Variants in ECM2 observed in about 807,000 individuals in gnomAD.
ECM2 encodes the protein extracellular matrix protein 2.
In ECM2, 57 loss-of-function variants were observed where a neutral mutation model predicts 67.5. The ratio of observed to expected loss-of-function variants is 0.84; its 90% CI spans 0.68 to 1.05. The LOEUF (loss-of-function observed/expected upper bound fraction) is 1.05. Among genes scored for constraint, ECM2 ranks in the 50% least tolerant of loss-of-function variants. The probability of loss-of-function intolerance (pLI) is 0.00; values close to 1 mark genes in which losing one functional copy is unlikely to be tolerated. For synonymous variants in ECM2, 258 were observed against 294.5 expected (o/e 0.88, Z 1.27); for missense variants, 741 against 822.8 (o/e 0.90, Z 1.22).
downstream of ECM2, chr9:92,494,204 G>C (rs1470205169): frequency 1.2e-5 from 18 of 1,556,804 alleles, no homozygotes; most frequent in Non-Finnish European, 1.6e-5. Flanking sequence ...ATCTGTCTCT[G>C]TGTCATCCCA....
chr9:92,550,233 T>G, the ECM2 span, among the ~76,000 whole-genome samples: 1 of 152,054 alleles, frequency 6.6e-6, no homozygotes, highest in African/African-American at 2.4e-5. Context: ...CCGTCTCTAC[T>G]AAAATACACA....
intron 5 of ECM2, among the ~76,000 whole-genome samples, chr9:92,511,720 T>C (rs1186558878): frequency 6.6e-6 from 1 of 152,168 alleles, no homozygotes; most frequent in Non-Finnish European, 1.5e-5. Flanking sequence ...AAAGACCAGA[T>C]TTTAGCATGT....
intron 1 of ECM2, 90 bp from the exon 2 acceptor site, chr9:92,522,983 C>T: frequency 8.0e-7 from 1 of 1,251,374 alleles, no homozygotes; most frequent in Non-Finnish European, 1.1e-6. Context: ...CCTCAGTAGG[C>T]AAGTCTTTGA....
At chr9:92,556,522 G>T in the ECM2 span, among the ~76,000 whole-genome samples, 2 of 152,154 alleles carry the variant, frequency 1.3e-5, no homozygotes, top group African/African-American at 4.8e-5. Context: ...ACCAGTGTTA[G>T]GTGCAAATAT....
chr9:92,496,105 G>A lies in ECM2; in HGVS notation c.*210C>T. ...GGCCTCTTTCTAGAGGTAGGAAACT[G>A]AGAGATTTTACCTTTACTATTAATA... On this transcript the variant is annotated 3_prime_UTR_variant, in exon 10 of 10. Coordinates refer to ENST00000344604, the MANE Select transcript of ECM2 (RefSeq NM_001393.4). 1 of 1,186,834 alleles carries A rather than the reference G, an allele frequency of 8.4e-7. No individual in the cohort carries two copies. The highest frequency in any genetic ancestry group is 1.0e-6 in the Non-Finnish European group (1 of 960,246). 73.5% of individuals were successfully genotyped at this position (1,186,834 alleles called of 1,614,324 possible). A position where few individuals can be genotyped will look rare whatever the true frequency, so the allele number is the denominator to read the frequency against.
the ECM2 span, among the ~76,000 whole-genome samples, chr9:92,542,446 A>G: frequency 6.6e-6 from 1 of 151,134 alleles, no homozygotes; most frequent in African/African-American, 2.4e-5. Context: ...TTGGAATTAT[A>G]TTCAAAAAAT....
chr9:92,550,164 G>A, the ECM2 span, among the ~76,000 whole-genome samples: 2 of 152,186 alleles, frequency 1.3e-5, no homozygotes, highest in Non-Finnish European at 2.9e-5. Context: ...TTGGGAGGCT[G>A]AGGCAGGAGG....
chr9:92,512,229 G>A, intron 4 of ECM2, 103 bp from the exon 5 acceptor site: 1 of 649,352 alleles, frequency 1.5e-6, no homozygotes, highest in Non-Finnish European at 2.6e-6. Context: ...GCTTTGTCTG[G>A]AGGAGAAAGC....
chr9:92,541,246 G>A (rs777053435), upstream of ECM2, among the ~76,000 whole-genome samples: 14 of 152,122 alleles, frequency 9.2e-5, no homozygotes, highest in East Asian at 3.9e-4. Context: ...GTGACAGAGC[G>A]AGACTCCATC....
In ECM2 at chr9:92,496,561, A is replaced by T. The variant is rs181855456; in HGVS notation, c.1932-78T>A. ...TTAGGAGTTAAGTTTAACATTTGTT[A>T]AAAAAATTTTGTTCTTAAAATAAAG... On this transcript the variant is annotated intron_variant, in intron 9 of 9. Transcript: ENST00000344604. 6.4e-3 allele frequency: 9,861 copies of T among 1,535,160 alleles called. 55 individuals are homozygous for T. The highest frequency in any genetic ancestry group is 7.8e-3 in the Non-Finnish European group (9,016 of 1,152,662).
At chr9:92,530,902 A>G (rs892671693) in intron 1 of ECM2, among the ~76,000 whole-genome samples, 3 of 151,962 alleles carry the variant, frequency 2.0e-5, no homozygotes, top group Non-Finnish European at 2.9e-5. Flanking sequence ...TGAGTACCCA[A>G]TGTTTAGCTC....
At chr9:92,543,344 G>A in the ECM2 span, among the ~76,000 whole-genome samples, 4 of 151,848 alleles carry the variant, frequency 2.6e-5, no homozygotes, top group East Asian at 1.9e-4. Context: ...ATGGTGGTAC[G>A]TACCTGTAGT....
chr9:92,520,065 T>TTTTTTTTTTTTTTTTTTTGAGACG (rs1427229245), intron 2 of ECM2, among the ~76,000 whole-genome samples: 1 of 146,736 alleles, frequency 6.8e-6, no homozygotes, highest in Non-Finnish European at 1.5e-5. Context: ...GAAGATTTCT[T>TTTTTTTTTTTTTTTTTTTGAGACG]GAGGCCAGGA....
At chr9:92,500,693 A>C in intron 9 of ECM2, 34 bp downstream of exon 9, 1 of 1,579,916 alleles carries the variant, frequency 6.3e-7, no homozygotes, top group Non-Finnish European at 8.6e-7. Context: ...GCCAACCAAA[A>C]TTTAAACAGA....
chr9:92,494,122 T>C, downstream of ECM2: 1 of 1,597,972 alleles, frequency 6.3e-7, no homozygotes, highest in Non-Finnish European at 8.5e-7. Flanking sequence ...TGTTTGTCAC[T>C]GTCTCTAGAA....
rs945276692 is a variant in ECM2, at chr9:92,517,712, T to G, written c.456A>C (p.Glu152Asp). ...RCPQTVIPEG[E>D]CCPVCSATVS... ...CAGTAGCGGAGCAGACCGGGCAGCATTCCCCTTCAGGTATAACTGTTTGGG... is the reference window on the plus strand; with the variant it reads ...CAGTAGCGGAGCAGACCGGGCAGCAGTCCCCTTCAGGTATAACTGTTTGGG... Residue 152 changes from glutamate (E) to aspartate (D), a missense_variant, in exon 3 of 10, where the codon GAA becomes GAC. By Grantham distance (45) the Glu-to-Asp change is conservative. Transcript: ENST00000344604. 6.2e-7 allele frequency: 1 copy of G among 1,614,074 alleles called. No individual in the cohort carries two copies. The highest frequency in any genetic ancestry group is 1.3e-5 in the African/African-American group (1 of 74,938).
rs751900285 is a variant in ECM2 at position 92,522,617 on chromosome 9, A to G, written c.250T>C (p.Ser84Pro). ...CTTGATTCTACTCCAGGAAAACTTG[A>G]AAAGGATTCAAACTTTTCCTCCATG... ...YSMEEKFESFSSFPGVESSYN... is the reference protein window; with the variant it reads ...YSMEEKFESFPSFPGVESSYN... The change falls in exon 2 of 10, where the codon TCA becomes CCA. Residue 84 changes from serine (S) to proline (P), a missense_variant. By Grantham distance (74) the Ser-to-Pro change is moderately conservative. Coordinates refer to ENST00000344604, the MANE Select transcript of ECM2 (RefSeq NM_001393.4). 4 of 1,613,718 alleles carry G rather than the reference A, an allele frequency of 2.5e-6. No individual in the cohort carries two copies. The highest frequency in any genetic ancestry group is 3.4e-6 in the Non-Finnish European group (4 of 1,179,826).
chr9:92,555,214 ATTTTTTTTTTTTT>A, the ECM2 span, among the ~76,000 whole-genome samples: 58 of 63,464 alleles, frequency 9.1e-4, 1 homozygote, highest in African/African-American at 2.6e-3. Context: ...TTTTTTGGAA[ATTTTTTTTTTTTT>A]TTTTTTTTTT....
intron 7 of ECM2, among the ~76,000 whole-genome samples, chr9:92,504,480 G>A (rs373250579): frequency 3.0e-4 from 45 of 152,252 alleles, no homozygotes; most frequent in African/African-American, 1.0e-3. Context: ...GGGTTCCCAC[G>A]GGGTCTGCCA....
Sources: gnomAD v4.1 joint callset for allele counts (sites outside exome capture counted in the v4.1 genomes callset) on GRCh38, gnomAD v4.1.1 for gene constraint, MANE v1.5 for transcripts, NCBI Gene and HGNC (gene_info 2026-07-23, HGNC 2026-07-21) for gene names.